EDIL3: variants seen among roughly 807,000 people sequenced by gnomAD.
The protein encoded by EDIL3 is EGF-like repeat and discoidin I-like domain-containing protein 3.
Under a neutral mutation model 67.4 loss-of-function variants are expected in EDIL3, and 37 were observed. The ratio of observed to expected loss-of-function variants is 0.55; its 90% confidence interval spans 0.42 to 0.72. The LOEUF (loss-of-function observed/expected upper bound fraction) is 0.72. EDIL3 is among the 30% of genes least tolerant of loss of function. The probability of loss-of-function intolerance (pLI) is 0.00; values close to 1 mark genes in which losing one functional copy is unlikely to be tolerated. For missense variants in EDIL3, 527 were observed against 586.3 expected, an observed-to-expected ratio of 0.90 and a Z score of 1.04; for synonymous variants, 195 against 196.3, an observed-to-expected ratio of 0.99 and a Z score of 0.05.
chr5:84,217,456 C>T lies in EDIL3; in HGVS notation c.226+12399G>A, dbSNP rs184369199. Among the ~76,000 whole-genome samples, 545 of 152,140 alleles carry T rather than the reference C, an allele frequency of 3.6e-3. 4 individuals carry two copies. Among genetic ancestry groups the T allele is most frequent in the African/African-American group, 0.013 (520 of 41,520 alleles). On this transcript the variant is annotated intron_variant, in intron 3 of 10. Coordinates refer to ENST00000296591, the MANE Select transcript of EDIL3 (RefSeq NM_005711.5). ...AGATATTGCTGTGAACATATTTTGT[C>T]GATGTGATTAACATCTACAATCAGT... is the stretch of plus-strand genomic sequence containing the variant.
At chr5:84,196,975 T>C (rs1021912651) in intron 3 of EDIL3, 2 of 152,042 alleles carry the variant, frequency 1.3e-5, no homozygotes, top group African/African-American at 4.8e-5. Context: ...TTATGTCAAC[T>C]GGGACCCAAG....
rs1746412083 is a variant in EDIL3, at chr5:84,054,797, A to T, written c.1137+5503T>A. 1.1e-4 allele frequency among the ~76,000 whole-genome samples: 17 copies of T among 151,102 alleles called. 3 individuals carry two copies. In the South Asian group the frequency reaches 3.6e-3, roughly 32 times the overall value. On this transcript the variant is annotated intron_variant, in intron 9 of 10. Coordinates refer to ENST00000296591, the MANE Select transcript of EDIL3 (RefSeq NM_005711.5). ...AAGGAGAACTACAAACCACTGCTCA[A>T]TGAAATAAAAGAGGACACAAACAAA...
chr5:84,021,234 T>A (rs1454094722), intron 9 of EDIL3, among the ~76,000 whole-genome samples: 1 of 151,940 alleles, frequency 6.6e-6, no homozygotes, highest in Non-Finnish European at 1.5e-5. Flanking sequence ...TCTGCTTTTA[T>A]CTTCATCATG....
chr5:84,294,931 A>G (rs988021764), intron 1 of EDIL3, among the ~76,000 whole-genome samples: 2 of 152,166 alleles, frequency 1.3e-5, no homozygotes, highest in African/African-American at 4.8e-5. Flanking sequence ...ACAATAGCAA[A>G]ATTGAAGTGT....
intron 9 of EDIL3, among the ~76,000 whole-genome samples, chr5:84,017,836 A>G (rs1745637217): frequency 6.6e-6 from 1 of 152,162 alleles, no homozygotes; most frequent in South Asian, 2.1e-4. Context: ...TTCTCTAATT[A>G]CAAAGTGAAT....
chr5:84,170,397 G>A lies in EDIL3; in HGVS notation c.355+9996C>T, dbSNP rs183815538. Among the ~76,000 whole-genome samples, 14 of 152,330 alleles carry A rather than the reference G, an allele frequency of 9.2e-5. No homozygotes were observed. The Middle Eastern group carries it at 0.01, about 111-fold the overall frequency. On this transcript the variant is annotated intron_variant, in intron 4 of 10. Transcript: ENST00000296591. ...ACGGCTAGGCTTGACCTTGACCTTA[G>A]ACCATGTGCAGTTTCAGTTGGCTAG...
chr5:84,009,810 G>T (rs770029972), intron 9 of EDIL3, among the ~76,000 whole-genome samples: 2 of 152,156 alleles, frequency 1.3e-5, no homozygotes, highest in African/African-American at 4.8e-5. Context: ...TGGGAAGAAA[G>T]AACTTTCCAC....
chr5:84,144,830 C>T lies in EDIL3; in HGVS notation c.356-7476G>A, dbSNP rs114312676. Among the ~76,000 whole-genome samples, 829 of 152,052 alleles carry T rather than the reference C, an allele frequency of 5.5e-3. 6 individuals carry two copies. The highest frequency in any genetic ancestry group is 0.019 in the African/African-American group (784 of 41,478). ...CTTTCAGCTGCATGTCAAATTAGTTCTCTCTCTGGTTTTAGCAGTCAATCT... is the reference window on the plus strand; with the variant it reads ...CTTTCAGCTGCATGTCAAATTAGTTTTCTCTCTGGTTTTAGCAGTCAATCT... On this transcript the variant is annotated intron_variant, in intron 4 of 10. Transcript: ENST00000296591.
At chr5:84,001,159 G>C (rs1745323431) in intron 9 of EDIL3, among the ~76,000 whole-genome samples, 2 of 152,068 alleles carry the variant, frequency 1.3e-5, no homozygotes, top group Admixed American at 1.3e-4. Flanking sequence ...CAATTCTCCT[G>C]CCTCAGCCTC....
At chr5:84,058,585 T>C (rs1267865745) in intron 9 of EDIL3, among the ~76,000 whole-genome samples, 1 of 152,106 alleles carries the variant, frequency 6.6e-6, no homozygotes, top group Non-Finnish European at 1.5e-5. Flanking sequence ...AATCAGTTAA[T>C]GTTAGTGTGT....
intron 1 of EDIL3, among the ~76,000 whole-genome samples, chr5:84,346,135 C>CTTTTTTTTTTTTTT (rs912729041): frequency 1.6e-5 from 2 of 122,910 alleles, no homozygotes. Flanking sequence ...CTTTTTTTTT[C>CTTTTTTTTTTTTTT]TTTTTTTTTT....
At chr5:84,253,893 C>G (rs537236461) in intron 2 of EDIL3, among the ~76,000 whole-genome samples, 191 bp downstream of exon 2, 1 of 151,664 alleles carries the variant, frequency 6.6e-6, no homozygotes, top group Non-Finnish European at 1.5e-5. Context: ...TATTTTAAAA[C>G]TTAAAGAACA....
At chr5:83,963,814 T>G (rs902245643) in intron 9 of EDIL3, among the ~76,000 whole-genome samples, 8 of 151,816 alleles carry the variant, frequency 5.3e-5, no homozygotes. Flanking sequence ...TGTGTCCACA[T>G]CAGGGACAAA....
rs187468961 is a variant in EDIL3 at position 84,337,982 on chromosome 5, C to A, written c.67+46326G>T. On this transcript the variant is annotated intron_variant, in intron 1 of 10. Transcript: ENST00000296591. ...ACGCTTCTGTGTTTCTCCGAATTTT[C>A]ATGACTATTATTAAATACTGACCTA... 8.3e-3 allele frequency among the ~76,000 whole-genome samples: 1,257 copies of A among 152,246 alleles called. 7 individuals carry two copies. The highest frequency in any genetic ancestry group is 0.013 in the Non-Finnish European group (917 of 68,008).
chr5:84,383,189 C>T (rs1425636961), intron 1 of EDIL3, among the ~76,000 whole-genome samples: 1 of 152,192 alleles, frequency 6.6e-6, no homozygotes, highest in Non-Finnish European at 1.5e-5. Context: ...CTATTACCCG[C>T]GGATCCCTCA....
chr5:84,044,789 G>A (rs772121440), intron 9 of EDIL3, among the ~76,000 whole-genome samples: 53 of 152,124 alleles, frequency 3.5e-4, no homozygotes, highest in Non-Finnish European at 6.2e-4. Context: ...GCCAGAAGTC[G>A]AAGTGGCAGC....
intron 9 of EDIL3, among the ~76,000 whole-genome samples, chr5:84,017,874 T>G (rs909374491): frequency 6.6e-6 from 1 of 152,178 alleles, no homozygotes; most frequent in Non-Finnish European, 1.5e-5. Context: ...TTTCAATGAT[T>G]ACTTATTCTG....
At chr5:84,180,568 G>A (rs776085345) in intron 3 of EDIL3, 47 bp from the exon 4 acceptor site, 3 of 1,507,866 alleles carry the variant, frequency 2.0e-6, no homozygotes, top group South Asian at 2.7e-5. Context: ...ATTCTTAAAA[G>A]TAGACATTAG....
At chr5:84,358,836 T>C (rs1747540793) in intron 1 of EDIL3, among the ~76,000 whole-genome samples, 1 of 152,086 alleles carries the variant, frequency 6.6e-6, no homozygotes, top group Non-Finnish European at 1.5e-5. Context: ...GGTCTTGATC[T>C]CCTGACCTCA....
Sources: allele counts gnomAD v4.1 joint callset (sites outside exome capture counted in the v4.1 genomes callset), GRCh38; gene constraint gnomAD v4.1.1; transcripts MANE v1.5; gene names NCBI Gene and HGNC (gene_info 2026-07-23, HGNC 2026-07-21).